Variants in HMCN1 observed in about 807,000 individuals in gnomAD.
HMCN1 encodes hemicentin-1.
HMCN1 carries 321 observed loss-of-function variants against 625.9 expected under a neutral mutation model. That is an observed-to-expected ratio of 0.51 (90% CI 0.47 to 0.56). The LOEUF (loss-of-function observed/expected upper bound fraction) is 0.56. Ranked by LOEUF, HMCN1 falls within the 20% of genes least tolerant of loss-of-function variation. The probability of loss-of-function intolerance (pLI) is 0.00; values close to 1 mark genes in which losing one functional copy is unlikely to be tolerated. For synonymous variants in HMCN1, 2,425 were observed against 2,417.6 expected, an observed-to-expected ratio of 1.00 and a Z score of -0.09; for missense variants, 6,588 against 6,887.3, an observed-to-expected ratio of 0.96 and a Z score of 1.54.
chr1:186,090,899 G>A lies in HMCN1; in HGVS notation c.9869G>A (p.Gly3290Asp), dbSNP rs1659803744. 3.7e-6 allele frequency: 6 copies of A among 1,612,048 alleles called. No homozygotes were observed. The highest frequency in any genetic ancestry group is 1.3e-5 in the African/African-American group (1 of 74,786). ...AAAGATGGAAAGCCCATAGCTAGTG[G>A]TGAAACAGAAAGAATCCGGTATGTT... ...WLKDGKPIAS[G>D]ETERIRVSAN... is the part of the protein sequence containing the mutation. The change falls in exon 64 of 107, where the codon GGT becomes GAT. Residue 3290 changes from glycine (G) to aspartate (D), a missense_variant. By Grantham distance (94) the Gly-to-Asp change is moderately conservative. Around this residue, in one of 3 missense-constraint regions of HMCN1, gnomAD observed 4,628 missense variants for 4,853.1 expected, o/e 0.95. Transcript: ENST00000271588.
At chr1:185,878,203 T>A (rs1404324726) in intron 4 of HMCN1, among the ~76,000 whole-genome samples, 1 of 152,188 alleles carries the variant, frequency 6.6e-6, no homozygotes, top group Non-Finnish European at 1.5e-5. Context: ...AGACGTAATT[T>A]CACTTCTTTT....
chr1:185,858,758 A>AT (rs1052222915), intron 2 of HMCN1, among the ~76,000 whole-genome samples: 6 of 149,372 alleles, frequency 4.0e-5, no homozygotes, highest in Non-Finnish European at 7.4e-5. Flanking sequence ...GCCAGCAGTA[A>AT]TTTTTTTTTC....
At chr1:185,736,257 TAC>T (rs1472611843) in intron 1 of HMCN1, among the ~76,000 whole-genome samples, 3 of 152,286 alleles carry the variant, frequency 2.0e-5, no homozygotes, top group African/African-American at 7.2e-5. Flanking sequence ...AATATATATA[TAC>T]ACACACATAC....
chr1:186,088,198 A>T lies in HMCN1; in HGVS notation c.9499A>T (p.Asn3167Tyr). ...EREVIVETIS[N>Y]PVTLTCDATG... ...AGAAGTGATTGTGGAGACGATCAGC[A>T]ATCCTGTGACATTAACATGTGATGC... Residue 3167 changes from asparagine to tyrosine, a missense_variant, in exon 62 of 107, where the codon AAT becomes TAT. Transcript: ENST00000271588. 1.2e-6 allele frequency: 2 copies of T among 1,612,856 alleles called. No homozygotes were observed. Among genetic ancestry groups the T allele is most frequent in the Non-Finnish European group, 1.7e-6 (2 of 1,179,334 alleles).
intron 11 of HMCN1, among the ~76,000 whole-genome samples, chr1:185,955,070 C>T (rs1184108029): frequency 6.6e-6 from 1 of 152,094 alleles, no homozygotes; most frequent in Non-Finnish European, 1.5e-5. Flanking sequence ...TCTCATATCA[C>T]TCCTTTCCTC....
chr1:185,918,317 G>C, intron 6 of HMCN1, among the ~76,000 whole-genome samples: 1 of 152,142 alleles, frequency 6.6e-6, no homozygotes, highest in East Asian at 1.9e-4. Context: ...GTTGTCCAAG[G>C]GCAGGAGGAA....
intron 2 of HMCN1, among the ~76,000 whole-genome samples, chr1:185,856,403 T>C (rs1662466245): frequency 6.6e-6 from 1 of 151,174 alleles, no homozygotes; most frequent in African/African-American, 2.4e-5. Context: ...GGCAGGAGAA[T>C]CTCTTGAGCA....
At chr1:186,063,483 AAGGAAGGAAG>A (rs1657905439) in intron 48 of HMCN1, among the ~76,000 whole-genome samples, 2 of 146,696 alleles carry the variant, frequency 1.4e-5, no homozygotes, top group Non-Finnish European at 3.0e-5. Context: ...GGAAGGAAGG[AAGGAAGGAAG>A]GAAGGAAGGA....
intron 10 of HMCN1, among the ~76,000 whole-genome samples, chr1:185,930,978 G>A (rs1242051327): frequency 6.6e-6 from 1 of 150,822 alleles, no homozygotes; most frequent in Non-Finnish European, 1.5e-5. Flanking sequence ...GTAAAATTCT[G>A]AAGAGCGAAA....
chr1:185,831,757 C>T (rs1660874358), intron 1 of HMCN1, among the ~76,000 whole-genome samples: 1 of 151,826 alleles, frequency 6.6e-6, no homozygotes, highest in African/African-American at 2.4e-5. Context: ...AAAACATCTA[C>T]AAGAAAGATA....
Position 186,189,779 on chromosome 1 carries a change from C to T in HMCN1, c.16809C>T (p.Tyr5603=), listed in dbSNP as rs1558295140. 5 of 1,613,686 alleles carry T rather than the reference C, an allele frequency of 3.1e-6. No individual in the cohort carries two copies. The highest frequency in any genetic ancestry group is 4.5e-5 in the East Asian group (2 of 44,858). The change falls in exon 107 of 107, where the codon TAC becomes TAT. Residue 5603 remains tyrosine, a synonymous_variant. Transcript: ENST00000271588. ...TTRPLREAET[Y]RMRVRASSYS... is the part of the protein sequence containing the mutation. The stretch of plus-strand genomic sequence containing the variant: ...GACCACTACGAGAAGCAGAGACCTA[C>T]CGCATGAGGGTCCGAGCCTCATCCT...
At chr1:185,923,304 T>C in intron 7 of HMCN1, 86 bp from the exon 8 acceptor site, 2 of 1,036,748 alleles carry the variant, frequency 1.9e-6, no homozygotes, top group South Asian at 2.7e-5. Flanking sequence ...ATGGTACTCA[T>C]ATATTATTAT....
chr1:186,016,293 G>A, intron 32 of HMCN1, 54 bp downstream of exon 32: 1 of 1,522,770 alleles, frequency 6.6e-7, no homozygotes, highest in Non-Finnish European at 9.1e-7. Context: ...AACCTGATTA[G>A]TTTGTTAAAT....
intron 53 of HMCN1, 33 bp downstream of exon 53, chr1:186,074,924 T>TTACA: frequency 6.6e-7 from 1 of 1,505,730 alleles, no homozygotes; most frequent in Non-Finnish European, 9.2e-7. Flanking sequence ...TATAATGTAA[T>TTACA]TTATATGATC....
intron 1 of HMCN1, among the ~76,000 whole-genome samples, chr1:185,765,026 G>A (rs1337360354): frequency 2.0e-5 from 3 of 152,084 alleles, no homozygotes; most frequent in Admixed American, 2.0e-4. Context: ...GATTGCATGG[G>A]GAGAGTGATC....
intron 12 of HMCN1, among the ~76,000 whole-genome samples, chr1:185,962,957 A>G (rs140406479): frequency 3.3e-5 from 5 of 152,236 alleles, no homozygotes; most frequent in Non-Finnish European, 5.9e-5. Context: ...AGGGTAATAA[A>G]TTTTCTGTGA....
At chr1:185,829,855 T>C (rs1349669194) in intron 1 of HMCN1, among the ~76,000 whole-genome samples, 2 of 152,086 alleles carry the variant, frequency 1.3e-5, no homozygotes, top group Non-Finnish European at 2.9e-5. Flanking sequence ...GATTGAACAC[T>C]CCCACCAACA....
chr1:186,061,929 G>A lies in HMCN1; in HGVS notation c.7391G>A (p.Gly2464Asp). ...QYTCVVRNAA[G>D]EERKIFGLSV... ...ACTTGCGTTGTAAGGAATGCAGCTGGTGAAGAAAGAAAAATCTTTGGGCTT... is the reference window on the plus strand; with the variant it reads ...ACTTGCGTTGTAAGGAATGCAGCTGATGAAGAAAGAAAAATCTTTGGGCTT... Residue 2464 changes from glycine to aspartate, a missense_variant, in exon 47 of 107, where the codon GGT becomes GAT. Physicochemically the swap from Gly to Asp is moderately conservative, Grantham distance 94 (BLOSUM62 -1). This residue lies in a region of HMCN1 where 4,628 missense variants were observed against 4,853.1 expected (regional missense o/e 0.95). Transcript: ENST00000271588. The A allele has an allele frequency of 1.2e-6, 2 of 1,612,716 alleles. No individual in the cohort carries two copies. The highest frequency in any genetic ancestry group is 1.7e-4 in the Middle Eastern group (1 of 6,056).
chr1:185,916,405 A>G (rs897815226), intron 6 of HMCN1, among the ~76,000 whole-genome samples: 6 of 152,146 alleles, frequency 3.9e-5, no homozygotes, highest in African/African-American at 1.4e-4. Flanking sequence ...GGGGGAAAAT[A>G]GTGGCTACCC....
Sources: allele counts gnomAD v4.1 joint callset (sites outside exome capture counted in the v4.1 genomes callset), GRCh38; gene constraint gnomAD v4.1.1; regional missense constraint gnomAD v4.1.1; transcripts MANE v1.5; gene names NCBI Gene and HGNC (gene_info 2026-07-23, HGNC 2026-07-21).